The following THSD7B variants were observed in gnomAD, a reference collection of about 807,000 sequenced individuals.
THSD7B encodes thrombospondin type-1 domain-containing protein 7B.
Under a neutral mutation model 213.6 loss-of-function variants are expected in THSD7B, and 138 were observed. The ratio of observed to expected loss-of-function variants is 0.65; its 90% confidence interval spans 0.56 to 0.74. The LOEUF is 0.74. Ranked by LOEUF, THSD7B falls within the 30% of genes least tolerant of loss-of-function variation. THSD7B has a pLI of 0.00. For synonymous variants in THSD7B, 742 were observed against 687.0 expected (o/e 1.08, Z -1.25); for missense variants, 1,931 against 1,991.5 (o/e 0.97, Z 0.58).
intron 21 of THSD7B, among the ~76,000 whole-genome samples, chr2:137,646,368 G>A (rs1198454466): frequency 6.6e-6 from 1 of 151,812 alleles, no homozygotes; most frequent in African/African-American, 2.4e-5. Context: ...CAGGTGGGGC[G>A]TGGTGGCTCA....
At chr2:136,974,321 C>G (rs1380890908) in intron 2 of THSD7B, among the ~76,000 whole-genome samples, 8 of 152,108 alleles carry the variant, frequency 5.3e-5, no homozygotes, top group African/African-American at 1.9e-4. Flanking sequence ...CATGCATTAG[C>G]TACTTTTCCT....
intron 15 of THSD7B, among the ~76,000 whole-genome samples, chr2:137,489,681 T>G (rs760930789): frequency 2.6e-5 from 4 of 152,138 alleles, no homozygotes; most frequent in African/African-American, 9.7e-5. Context: ...TTTGAATGAT[T>G]AAAAAGAGAA....
At chr2:137,226,713 G>A (rs1681514520) in intron 7 of THSD7B, among the ~76,000 whole-genome samples, 1 of 151,672 alleles carries the variant, frequency 6.6e-6, no homozygotes, top group Non-Finnish European at 1.5e-5. Flanking sequence ...AGTGATAAAT[G>A]TGACTCCAGA....
intron 14 of THSD7B, among the ~76,000 whole-genome samples, chr2:137,439,699 T>C (rs10496771): frequency 0.23 from 34,781 of 152,092 alleles, 4,153 homozygotes; most frequent in South Asian, 0.31. Flanking sequence ...AAGGAGTTAA[T>C]GTACTGTGAA....
chr2:137,553,955 T>C (rs549656229), intron 15 of THSD7B, among the ~76,000 whole-genome samples: 1 of 152,230 alleles, frequency 6.6e-6, no homozygotes, highest in Admixed American at 6.5e-5. Context: ...TTTGGTCCTC[T>C]AGATAAGATT....
At chr2:137,655,708 T>C in intron 22 of THSD7B, 48 bp downstream of exon 22, 1 of 1,567,560 alleles carries the variant, frequency 6.4e-7, no homozygotes, top group South Asian at 1.2e-5. Context: ...GATCTTTTTG[T>C]TTATTTTACT....
intron 2 of THSD7B, among the ~76,000 whole-genome samples, chr2:137,016,179 G>A (rs964677683): frequency 7.2e-5 from 11 of 152,064 alleles, no homozygotes; most frequent in Non-Finnish European, 1.3e-4. Flanking sequence ...TTGAGGCTTG[G>A]GGGGTGAGGT....
At chr2:136,828,124 C>T (rs955760982) in intron 1 of THSD7B, among the ~76,000 whole-genome samples, 5 of 152,122 alleles carry the variant, frequency 3.3e-5, no homozygotes, top group African/African-American at 4.8e-5. Flanking sequence ...CTCTTATCTG[C>T]CACCTGACCC....
In THSD7B at chr2:137,206,079, G is replaced by GT. The variant is rs368019739; in HGVS notation, c.1724-24958dup. Among the ~76,000 whole-genome samples, 457 of 140,224 alleles carry GT rather than the reference G, an allele frequency of 3.3e-3. 3 individuals carry two copies. The highest frequency in any genetic ancestry group is 0.011 in the African/African-American group (430 of 38,256). 92.0% of individuals were successfully genotyped at this position (140,224 alleles called of 152,430 possible). On this transcript the variant is annotated intron_variant, in intron 7 of 27. Transcript: ENST00000409968. Reference sequence around the variant, plus strand: ...TTTTTATCTAAATGTCTTTCATATTGTTTTTTTAAAGGATCAGGAATTGCG... The same window carrying GT: ...TTTTTATCTAAATGTCTTTCATATTGTTTTTTTTAAAGGATCAGGAATTGCG...
At chr2:136,783,146 G>T (rs183474533) in intron 1 of THSD7B, among the ~76,000 whole-genome samples, 21 of 152,280 alleles carry the variant, frequency 1.4e-4, no homozygotes, top group African/African-American at 5.1e-4. Context: ...TCATCATCCA[G>T]CACACTGCCT....
chr2:137,496,326 G>C (rs1281529387), intron 15 of THSD7B, among the ~76,000 whole-genome samples: 1 of 152,124 alleles, frequency 6.6e-6, no homozygotes, highest in African/African-American at 2.4e-5. Flanking sequence ...CTGATGACCA[G>C]ATTAATGTAC....
intron 7 of THSD7B, among the ~76,000 whole-genome samples, chr2:137,196,773 T>A (rs912450027): frequency 6.6e-6 from 1 of 152,166 alleles, no homozygotes; most frequent in Non-Finnish European, 1.5e-5. Flanking sequence ...GAATGTCATG[T>A]TTAGACTTGG....
chr2:137,465,502 G>A (rs1232170857), intron 15 of THSD7B, among the ~76,000 whole-genome samples: 1 of 152,050 alleles, frequency 6.6e-6, no homozygotes, highest in Non-Finnish European at 1.5e-5. Flanking sequence ...ATTCTAATGG[G>A]CAGATAAGAC....
At chr2:137,308,392 A>G (rs577094235) in intron 12 of THSD7B, among the ~76,000 whole-genome samples, 2 of 152,162 alleles carry the variant, frequency 1.3e-5, no homozygotes, top group African/African-American at 4.8e-5. Flanking sequence ...AAGCATTTCT[A>G]TGCTTTGAAG....
chr2:137,160,605 A>G (rs533273056), intron 6 of THSD7B, among the ~76,000 whole-genome samples: 2 of 152,138 alleles, frequency 1.3e-5, no homozygotes, highest in Non-Finnish European at 2.9e-5. Flanking sequence ...TCTATTTGGT[A>G]TAACTTCATC....
chr2:137,273,025 TACACAC>T (rs71877881), intron 11 of THSD7B, among the ~76,000 whole-genome samples: 23,755 of 140,848 alleles, frequency 0.17, 2,176 homozygotes, highest in East Asian at 0.38. Flanking sequence ...GGAGAAGGAA[TACACAC>T]ACACACACAC....
At chr2:136,911,791 G>T (rs1050733614) in intron 2 of THSD7B, among the ~76,000 whole-genome samples, 12 of 152,280 alleles carry the variant, frequency 7.9e-5, no homozygotes, top group African/African-American at 2.9e-4. Flanking sequence ...ACAAGAGAGC[G>T]CTTTACAGCC....
At chr2:137,379,882 C>A (rs1685736006) in intron 12 of THSD7B, among the ~76,000 whole-genome samples, 1 of 152,222 alleles carries the variant, frequency 6.6e-6, no homozygotes, top group African/African-American at 2.4e-5. Context: ...CACACCAGCT[C>A]TCTACCTGGT....
intron 14 of THSD7B, among the ~76,000 whole-genome samples, chr2:137,435,210 G>A (rs934670718): frequency 1.8e-4 from 28 of 151,800 alleles, no homozygotes; most frequent in Admixed American, 6.6e-5. Flanking sequence ...ATAAGTTTTG[G>A]CATACTTTTT....
Sources: gnomAD v4.1 joint callset for allele counts (sites outside exome capture counted in the v4.1 genomes callset) on GRCh38, gnomAD v4.1.1 for gene constraint, MANE v1.5 for transcripts, NCBI Gene and HGNC (gene_info 2026-07-23, HGNC 2026-07-21) for gene names.